Variants in ADAMTS3 observed in about 807,000 individuals in gnomAD.
The protein encoded by ADAMTS3 is ADAM metallopeptidase with thrombospondin type 1 motif 3.
A neutral mutation model predicts 129.0 loss-of-function variants in ADAMTS3; 73 were observed. That is an observed-to-expected ratio of 0.57 (90% CI 0.47 to 0.69). ADAMTS3 has a LOEUF of 0.69. Ranked by LOEUF, ADAMTS3 falls within the 30% of genes least tolerant of loss-of-function variation. The probability of loss-of-function intolerance (pLI) is 0.00; values close to 1 mark genes in which losing one functional copy is unlikely to be tolerated. For synonymous variants in ADAMTS3, 477 were observed against 510.8 expected (o/e 0.93, Z 0.89); for missense variants, 1,457 against 1,514.5 (o/e 0.96, Z 0.63).
At chr4:72,474,583 AT>A (rs890272609) in intron 3 of ADAMTS3, among the ~76,000 whole-genome samples, 3 of 152,150 alleles carry the variant, frequency 2.0e-5, no homozygotes, top group Non-Finnish European at 4.4e-5. Flanking sequence ...TAAAAAAAAA[AT>A]CTGACACTAA....
At chr4:72,536,979 C>A (rs926369050) in intron 3 of ADAMTS3, among the ~76,000 whole-genome samples, 1 of 152,130 alleles carries the variant, frequency 6.6e-6, no homozygotes, top group Non-Finnish European at 1.5e-5. Context: ...ATAGGAAGCA[C>A]CAAGAATTTC....
rs189639453 is a variant in ADAMTS3 at position 72,282,340 on chromosome 4, C to T, written c.*796G>A. 7 of 152,322 alleles carry T rather than the reference C, an allele frequency of 4.6e-5. No individual in the cohort carries two copies. The highest frequency in any genetic ancestry group is 1.9e-4 in the East Asian group (1 of 5,178). 9.4% of individuals were successfully genotyped at this position (152,322 alleles called of 1,614,324 possible). A position where few individuals can be genotyped will look rare whatever the true frequency, so the allele number is the denominator to read the frequency against. ...GTTGATCCCTGTGACCACAAGTGTACTAAGACACCAATCCTTTAAATTATA... is the reference window on the plus strand; with the variant it reads ...GTTGATCCCTGTGACCACAAGTGTATTAAGACACCAATCCTTTAAATTATA... On this transcript the variant is annotated 3_prime_UTR_variant, in exon 22 of 22. Coordinates refer to ENST00000286657, the MANE Select transcript of ADAMTS3 (RefSeq NM_014243.3).
intron 3 of ADAMTS3, among the ~76,000 whole-genome samples, chr4:72,471,461 C>T (rs1174524142): frequency 6.6e-6 from 1 of 151,796 alleles, no homozygotes; most frequent in African/African-American, 2.4e-5. Context: ...ATTTAGAGTG[C>T]TAGTATTTGT....
intron 16 of ADAMTS3, among the ~76,000 whole-genome samples, chr4:72,305,478 T>G (rs2109789858): frequency 6.6e-6 from 1 of 152,152 alleles, no homozygotes; most frequent in Non-Finnish European, 1.5e-5. Flanking sequence ...TATTCCTTGA[T>G]TTAGTGGATT....
At chr4:72,479,554 T>G (rs1302392146) in intron 3 of ADAMTS3, among the ~76,000 whole-genome samples, 2 of 152,168 alleles carry the variant, frequency 1.3e-5, no homozygotes, top group Non-Finnish European at 2.9e-5. Flanking sequence ...CAAGATGGAT[T>G]AAAGACTTAA....
chr4:72,547,307 C>G (rs1324746154), intron 3 of ADAMTS3, among the ~76,000 whole-genome samples: 1 of 152,124 alleles, frequency 6.6e-6, no homozygotes, highest in African/African-American at 2.4e-5. Flanking sequence ...CAATGCTAGA[C>G]AGAAAAAGAC....
At chr4:72,374,743 A>C (rs576406078) in intron 4 of ADAMTS3, among the ~76,000 whole-genome samples, 2 of 152,294 alleles carry the variant, frequency 1.3e-5, no homozygotes, top group African/African-American at 4.8e-5. Context: ...ATACTGTGAA[A>C]GGAATTTATT....
At chr4:72,314,652 T>C (rs936357346) in intron 11 of ADAMTS3, among the ~76,000 whole-genome samples, 1 of 152,168 alleles carries the variant, frequency 6.6e-6, no homozygotes, top group Non-Finnish European at 1.5e-5. Flanking sequence ...ATATAATTTT[T>C]TATAAAGCAA....
rs181283040 is a variant in ADAMTS3 at position 72,428,773 on chromosome 4, A to C, written c.505-13802T>G. ...AAAACTTAAAAGAGTTTTACTAGAT[A>C]ATCTCTAAGATGTCTCCCAATTCAA... On this transcript the variant is annotated intron_variant, in intron 3 of 21. Coordinates refer to ENST00000286657, the MANE Select transcript of ADAMTS3 (RefSeq NM_014243.3). 6.6e-4 allele frequency among the ~76,000 whole-genome samples: 100 copies of C among 152,158 alleles called. 2 individuals are homozygous for C. In the East Asian group the frequency reaches 0.019, roughly 29 times the overall value.
intron 3 of ADAMTS3, among the ~76,000 whole-genome samples, chr4:72,439,914 A>AT (rs1378851972): frequency 2.0e-5 from 3 of 151,686 alleles, no homozygotes; most frequent in South Asian, 2.1e-4. Context: ...TTATTTTTGT[A>AT]TTTTTTTCAC....
intron 4 of ADAMTS3, among the ~76,000 whole-genome samples, chr4:72,341,054 T>C (rs866524927): frequency 2.6e-5 from 4 of 152,178 alleles, no homozygotes; most frequent in African/African-American, 9.6e-5. Flanking sequence ...CATTAATAAA[T>C]AGGTATTGTC....
intron 3 of ADAMTS3, among the ~76,000 whole-genome samples, chr4:72,468,633 ATTT>A (rs1413634109): frequency 1.3e-5 from 2 of 152,010 alleles, no homozygotes; most frequent in African/African-American, 2.4e-5. Context: ...CTATCTTAAC[ATTT>A]TCCTTTAAAA....
rs578242322 is a variant in ADAMTS3, at chr4:72,519,845, G to A, written c.504+28633C>T. On this transcript the variant is annotated intron_variant, in intron 3 of 21. Transcript: ENST00000286657. ...AGCCTTCTTCTCTCAACTCATCAAA[G>A]TCATTCTCCATCCAGCTTTGTTCCA... Among the ~76,000 whole-genome samples the A allele has an allele frequency of 2.7e-3, 409 of 152,342 alleles. 3 individuals are homozygous for A. The highest frequency in any genetic ancestry group is 9.6e-3 in the African/African-American group (398 of 41,582).
chr4:72,292,116 C>T (rs1718687530), intron 19 of ADAMTS3, among the ~76,000 whole-genome samples: 1 of 152,188 alleles, frequency 6.6e-6, no homozygotes, highest in Non-Finnish European at 1.5e-5. Context: ...ATCTTTAAAA[C>T]AGAATCCATC....
intron 1 of ADAMTS3, 99 bp from the exon 2 acceptor site, chr4:72,567,500 C>A: frequency 8.0e-7 from 1 of 1,250,248 alleles, no homozygotes; most frequent in East Asian, 2.5e-5. Context: ...CAAGAGCTAA[C>A]TAATCAGGAG....
chr4:72,432,358 G>A (rs996446640), intron 3 of ADAMTS3, among the ~76,000 whole-genome samples: 1 of 151,794 alleles, frequency 6.6e-6, no homozygotes, highest in Non-Finnish European at 1.5e-5. Flanking sequence ...ACCGGTATCT[G>A]CTCCCCTCCG....
chr4:72,504,653 A>G (rs116273694), intron 3 of ADAMTS3, among the ~76,000 whole-genome samples: 1 of 152,186 alleles, frequency 6.6e-6, no homozygotes, highest in African/African-American at 2.4e-5. Context: ...TTTTCATTCA[A>G]ATATCTTTTA....
At chr4:72,284,287 CA>C (rs569056601) in intron 21 of ADAMTS3, among the ~76,000 whole-genome samples, 1 of 151,550 alleles carries the variant, frequency 6.6e-6, no homozygotes, top group South Asian at 2.1e-4. Context: ...ACTAAAAATA[CA>C]AAAAAAATTA....
At chr4:72,506,887 T>G (rs1208308615) in intron 3 of ADAMTS3, among the ~76,000 whole-genome samples, 2 of 152,218 alleles carry the variant, frequency 1.3e-5, no homozygotes, top group African/African-American at 4.8e-5. Flanking sequence ...TTTTTCTTCC[T>G]GAATTAAAGT....
Sources: allele counts gnomAD v4.1 joint callset (sites outside exome capture counted in the v4.1 genomes callset), GRCh38; gene constraint gnomAD v4.1.1; transcripts MANE v1.5; gene names NCBI Gene and HGNC (gene_info 2026-07-23, HGNC 2026-07-21).